FBXW4: variants seen among roughly 807,000 people sequenced by gnomAD.
The protein encoded by FBXW4 is F-box/WD repeat-containing protein 4.
FBXW4 carries 40 observed loss-of-function variants against 61.8 expected under a neutral mutation model. That is an observed-to-expected ratio of 0.65 (90% CI 0.50 to 0.84). The LOEUF (loss-of-function observed/expected upper bound fraction) is 0.84, where lower values mean the gene tolerates loss of function less well. FBXW4 is among the 40% of genes least tolerant of loss of function. FBXW4 has a pLI of 0.00. For missense variants in FBXW4, 672 were observed against 753.8 expected, an observed-to-expected ratio of 0.89 and a Z score of 1.27; for synonymous variants, 311 against 313.8, an observed-to-expected ratio of 0.99 and a Z score of 0.10.
chr10:101,642,652 C>A (rs1039530938), intron 5 of FBXW4, among the ~76,000 whole-genome samples: 1 of 152,210 alleles, frequency 6.6e-6, no homozygotes, highest in African/African-American at 2.4e-5. Context: ...GCACCAAATT[C>A]TACCTCTGAA....
At chr10:101,657,558 G>A (rs755401365) in intron 5 of FBXW4, among the ~76,000 whole-genome samples, 3 of 151,298 alleles carry the variant, frequency 2.0e-5, no homozygotes, top group African/African-American at 4.9e-5. Flanking sequence ...CACTTGAACC[G>A]GGGAGGTGGA....
intron 6 of FBXW4, among the ~76,000 whole-genome samples, chr10:101,618,303 G>A (rs2063841318): frequency 6.6e-6 from 1 of 152,232 alleles, no homozygotes; most frequent in Non-Finnish European, 1.5e-5. Flanking sequence ...TGTGTTCAGT[G>A]GAAAGGGCCA....
At chr10:101,668,236 C>T (rs3902130) in intron 4 of FBXW4, among the ~76,000 whole-genome samples, 151,801 of 152,308 alleles carry the variant, frequency 1, 75,650 homozygotes, top group East Asian at 1. Flanking sequence ...CAACTTTACA[C>T]TGGGGAATCA....
chr10:101,620,967 G>A (rs1455781409), intron 6 of FBXW4, among the ~76,000 whole-genome samples: 2 of 152,182 alleles, frequency 1.3e-5, no homozygotes, highest in African/African-American at 4.8e-5. Context: ...AGGCAGAAGA[G>A]GCCATTCAAA....
In FBXW4 at chr10:101,694,023, G is replaced by C. The variant is rs1270618463; in HGVS notation, c.725+358C>G. ...ACCTGGACTCAAGGAATCGTCCAAA[G>C]CACCGTACCAGACTGGCTCCTCTGG... On this transcript the variant is annotated intron_variant, in intron 1 of 8. Coordinates refer to ENST00000331272, the MANE Select transcript of FBXW4 (RefSeq NM_022039.4). This position sits in a 1 kb window ranked among gnomAD's most constrained non-coding sequence, Gnocchi z 6.0. 6.6e-6 allele frequency among the ~76,000 whole-genome samples: 1 copy of C among 152,184 alleles called. No individual in the cohort carries two copies. Among genetic ancestry groups the C allele is most frequent in the Non-Finnish European group, 1.5e-5 (1 of 68,030 alleles).
Position 101,612,369 on chromosome 10 carries a change from A to C in FBXW4, c.1410T>G (p.Tyr470Ter). The change falls in exon 7 of 9, where the codon TAT becomes TAG. Residue 470 changes from tyrosine to a stop codon, truncating the protein, a stop_gained. Coordinates refer to ENST00000331272, the MANE Select transcript of FBXW4 (RefSeq NM_022039.4). LOFTEE classifies it high-confidence loss of function. ...FTLLSCGYDTYVRYWDLRTSV... is the reference protein window; with the variant it reads ...FTLLSCGYDT ...TGGTGCGGAGGTCCCAGTAGCGAACATAGGTGTCATAGCCACAGGACAGCA... is the reference window on the plus strand; with the variant it reads ...TGGTGCGGAGGTCCCAGTAGCGAACCTAGGTGTCATAGCCACAGGACAGCA... 1 of 1,593,698 alleles carries C rather than the reference A, an allele frequency of 6.3e-7. No homozygotes were observed. Among genetic ancestry groups the C allele is most frequent in the Non-Finnish European group, 8.6e-7 (1 of 1,169,068 alleles).
chr10:101,637,870 A>G (rs2064018118), intron 5 of FBXW4, among the ~76,000 whole-genome samples: 1 of 151,914 alleles, frequency 6.6e-6, no homozygotes, highest in African/African-American at 2.4e-5. Context: ...TGCAAAGTCG[A>G]CCCCGTAATC....
chr10:101,617,904 GA>G (rs1398479051), intron 6 of FBXW4, among the ~76,000 whole-genome samples: 1 of 152,138 alleles, frequency 6.6e-6, no homozygotes. Flanking sequence ...AAAAGAGAAT[GA>G]AAAAAAGCTA....
At chr10:101,658,204 A>G (rs762724257) in intron 5 of FBXW4, among the ~76,000 whole-genome samples, 4 of 152,186 alleles carry the variant, frequency 2.6e-5, no homozygotes, top group Non-Finnish European at 5.9e-5. Flanking sequence ...CCTGGGGACC[A>G]GGACTCTGGT....
chr10:101,658,069 A>C (rs1414003216), intron 5 of FBXW4, among the ~76,000 whole-genome samples: 2 of 152,212 alleles, frequency 1.3e-5, no homozygotes, highest in Non-Finnish European at 2.9e-5. Flanking sequence ...TGATTCAGAG[A>C]AACTGTCATG....
At chr10:101,632,489 GGA>G (rs1419126916) in intron 5 of FBXW4, among the ~76,000 whole-genome samples, 1 of 152,190 alleles carries the variant, frequency 6.6e-6, no homozygotes. Flanking sequence ...ACCAAGGATA[GGA>G]GAGCCTAGCC....
At chr10:101,684,468 C>T (rs1329082629) in intron 1 of FBXW4, among the ~76,000 whole-genome samples, 5 of 152,092 alleles carry the variant, frequency 3.3e-5, no homozygotes, top group Non-Finnish European at 7.4e-5. Context: ...TGGGGTTTCA[C>T]CATGTTGGCC....
intron 5 of FBXW4, among the ~76,000 whole-genome samples, chr10:101,659,242 G>C (rs1341861706): frequency 6.6e-6 from 1 of 152,164 alleles, no homozygotes; most frequent in Non-Finnish European, 1.5e-5. Context: ...CAAGACCCCA[G>C]GGCATGAGGG....
chr10:101,657,741 C>A (rs748419417), intron 5 of FBXW4, among the ~76,000 whole-genome samples: 78 of 151,650 alleles, frequency 5.1e-4, no homozygotes, highest in Non-Finnish European at 9.1e-4. Flanking sequence ...ATGTCCAATC[C>A]GTAGTCAGAG....
intron 5 of FBXW4, chr10:101,659,424 G>A (rs79556006): frequency 0.079 from 77,421 of 984,840 alleles, 3,316 homozygotes; most frequent in Non-Finnish European, 0.086. Flanking sequence ...CTCAGCCTCT[G>A]AACAGAAAGA....
chr10:101,630,822 A>G (rs1251397574), intron 5 of FBXW4, among the ~76,000 whole-genome samples: 1 of 152,178 alleles, frequency 6.6e-6, no homozygotes, highest in Non-Finnish European at 1.5e-5. Context: ...TGGGAAGGGG[A>G]AAAAAACAGG....
At chr10:101,677,016 G>A (rs1427630657) in intron 1 of FBXW4, among the ~76,000 whole-genome samples, 1 of 152,108 alleles carries the variant, frequency 6.6e-6, no homozygotes, top group Non-Finnish European at 1.5e-5. Flanking sequence ...TATCTGACAG[G>A]AATTTGTACC....
At position 101,673,038 on chromosome 10, in the gene FBXW4, C is replaced by T; in HGVS notation, c.1017G>A (p.Lys339=). The T allele has an allele frequency of 6.2e-7, 1 of 1,614,020 alleles. No individual in the cohort carries two copies. Among genetic ancestry groups the T allele is most frequent in the Non-Finnish European group, 8.5e-7 (1 of 1,180,016 alleles). ...SHIVSAGGDG[K]IGIHKIHSTF... is the part of the protein sequence containing the mutation. ...TGCTGTGAATCTTATGAATGCCAATCTTCCCATCCCTAGGAGAGAAATAAG... is the reference window on the plus strand; with the variant it reads ...TGCTGTGAATCTTATGAATGCCAATTTTCCCATCCCTAGGAGAGAAATAAG... The change falls in exon 4 of 9, where the codon AAG becomes AAA. Residue 339 remains lysine, a synonymous_variant. Transcript: ENST00000331272.
intron 5 of FBXW4, among the ~76,000 whole-genome samples, chr10:101,631,869 C>T (rs1315349643): frequency 2.0e-5 from 3 of 152,262 alleles, no homozygotes; most frequent in South Asian, 4.1e-4. Context: ...CCTTGTGATC[C>T]ACCCACCTTG....
Sources: allele counts gnomAD v4.1 joint callset (sites outside exome capture counted in the v4.1 genomes callset), GRCh38; gene constraint gnomAD v4.1.1; non-coding constraint Gnocchi (gnomAD v3.1); transcripts MANE v1.5; gene names NCBI Gene and HGNC (gene_info 2026-07-23, HGNC 2026-07-21).